The following OSBPL10 variants were observed in gnomAD, a reference collection of about 807,000 sequenced individuals.
The protein encoded by OSBPL10 is oxysterol-binding protein-related protein 10.
Under a neutral mutation model 81.7 loss-of-function variants are expected in OSBPL10, and 49 were observed. The ratio of observed to expected loss-of-function variants is 0.60; its 90% CI spans 0.48 to 0.76. OSBPL10 has a LOEUF of 0.76. OSBPL10 is among the 30% of genes least tolerant of loss of function. The pLI is 0.00. For synonymous variants in OSBPL10, 419 were observed against 383.6 expected, an observed-to-expected ratio of 1.09 and a Z score of -1.08; for missense variants, 923 against 987.8, an observed-to-expected ratio of 0.93 and a Z score of 0.88.
At chr3:31,874,342 C>T (rs1406540829) in intron 3 of OSBPL10, among the ~76,000 whole-genome samples, 1 of 151,946 alleles carries the variant, frequency 6.6e-6, no homozygotes, top group Admixed American at 6.6e-5. Flanking sequence ...AAATATGATA[C>T]AAAACCAAAA....
intron 1 of OSBPL10, among the ~76,000 whole-genome samples, chr3:32,067,429 G>A (rs1429507745): frequency 6.6e-6 from 1 of 152,134 alleles, no homozygotes; most frequent in African/African-American, 2.4e-5. Flanking sequence ...TCAGGGATCT[G>A]CATTGACAAA....
intron 7 of OSBPL10, among the ~76,000 whole-genome samples, chr3:31,689,232 G>A (rs1264382295): frequency 3.3e-5 from 5 of 152,094 alleles, no homozygotes; most frequent in African/African-American, 4.8e-5. Context: ...AAAAGGCGGG[G>A]AATTTTCTTG....
intron 1 of OSBPL10, among the ~76,000 whole-genome samples, chr3:31,890,931 G>GA: frequency 6.6e-6 from 1 of 152,180 alleles, no homozygotes; most frequent in South Asian, 2.1e-4. Flanking sequence ...AAGTCACGCT[G>GA]AAAAAATTCT....
intron 1 of OSBPL10, among the ~76,000 whole-genome samples, chr3:31,950,927 T>A (rs1016786152): frequency 1.3e-5 from 2 of 152,204 alleles, no homozygotes; most frequent in African/African-American, 4.8e-5. Context: ...GTGCCATGCC[T>A]GTACAGTCTT....
chr3:31,905,344 G>T (rs1441189776), intron 1 of OSBPL10, among the ~76,000 whole-genome samples: 6 of 70,716 alleles, frequency 8.5e-5, no homozygotes. Context: ...GGAACCTGGT[G>T]ATTTTTTTTT....
chr3:31,662,220 ACC>A (rs1700086770), intron 11 of OSBPL10, 104 bp from the exon 12 acceptor site: 12 of 1,577,516 alleles, frequency 7.6e-6, no homozygotes, highest in Non-Finnish European at 1.0e-5. Context: ...GTGTCTTAAT[ACC>A]TCACACGCAG....
upstream of OSBPL10, among the ~76,000 whole-genome samples, chr3:31,985,796 G>A (rs528574803): frequency 3.9e-5 from 6 of 152,296 alleles, no homozygotes; most frequent in African/African-American, 1.4e-4. Context: ...AATGTATATT[G>A]AGCACTATGT....
In OSBPL10 at chr3:31,768,179, G is replaced by T. The variant is rs1202918995; in HGVS notation, c.730-20059C>A. On this transcript the variant is annotated intron_variant, in intron 4 of 11. Transcript: ENST00000396556. The stretch of plus-strand genomic sequence containing the variant: ...TTGTAAACTGTCATGGCGCTGGTGG[G>T]AGTGTCTCTTAGCATGTTAATGCAT... Among the ~76,000 whole-genome samples, 4 of 152,162 alleles carry T rather than the reference G, an allele frequency of 2.6e-5. No homozygotes were observed. The East Asian group carries it at 7.7e-4, about 29-fold the overall frequency.
chr3:31,741,011 G>A (rs1030447309), intron 5 of OSBPL10, among the ~76,000 whole-genome samples: 3 of 152,026 alleles, frequency 2.0e-5, no homozygotes, highest in South Asian at 2.1e-4. Flanking sequence ...AAGGGCAAAG[G>A]TTTGACTGTG....
intron 5 of OSBPL10, 112 bp from the exon 6 acceptor site, chr3:31,733,523 A>T: frequency 7.6e-7 from 1 of 1,320,178 alleles, no homozygotes; most frequent in Non-Finnish European, 1.1e-6. Flanking sequence ...GGCATGAGGT[A>T]AAACACAGAG....
At chr3:31,725,893 C>T (rs1696793748) in intron 6 of OSBPL10, among the ~76,000 whole-genome samples, 1 of 152,186 alleles carries the variant, frequency 6.6e-6, no homozygotes. Flanking sequence ...TCGTACTTTC[C>T]TAAATACTCT....
chr3:31,848,951 T>G (rs1266885256), intron 3 of OSBPL10, among the ~76,000 whole-genome samples: 1 of 152,148 alleles, frequency 6.6e-6, no homozygotes, highest in Non-Finnish European at 1.5e-5. Flanking sequence ...AAGTTCAGAG[T>G]TGGGTGGTCT....
intron 3 of OSBPL10, among the ~76,000 whole-genome samples, chr3:31,870,027 A>C (rs1701279026): frequency 6.6e-6 from 1 of 152,208 alleles, no homozygotes; most frequent in Admixed American, 6.5e-5. Context: ...GTGGCACTTG[A>C]GGAGCCCTTC....
At chr3:31,721,733 G>C (rs1164727911) in intron 6 of OSBPL10, 2 of 152,168 alleles carry the variant, frequency 1.3e-5, no homozygotes, top group Non-Finnish European at 2.9e-5. Flanking sequence ...ACGTTCTTAA[G>C]TGTTTCCCAA....
chr3:31,678,243 T>C (rs1037345788), intron 8 of OSBPL10, among the ~76,000 whole-genome samples: 38 of 152,016 alleles, frequency 2.5e-4, no homozygotes, highest in African/African-American at 8.9e-4. Context: ...GTTGACGGTG[T>C]GGCTTAAGTG....
intron 3 of OSBPL10, among the ~76,000 whole-genome samples, chr3:31,841,098 G>A (rs561372077): frequency 2.6e-5 from 4 of 152,300 alleles, no homozygotes; most frequent in African/African-American, 9.6e-5. Flanking sequence ...AGTAGAGACG[G>A]GGTTTCTCCA....
chr3:31,900,550 A>G (rs1696206553), intron 1 of OSBPL10, among the ~76,000 whole-genome samples: 1 of 152,188 alleles, frequency 6.6e-6, no homozygotes, highest in South Asian at 2.1e-4. Context: ...GGCTTGTCCT[A>G]CAAGAGGAAA....
intron 1 of OSBPL10, among the ~76,000 whole-genome samples, chr3:31,915,196 A>G (rs4508822): frequency 0.6 from 90,642 of 150,328 alleles, 27,510 homozygotes; most frequent in East Asian, 0.91. Flanking sequence ...GAATGGTAAC[A>G]GGGGGGAAAA....
At chr3:31,672,630 T>C (rs1700354188) in intron 8 of OSBPL10, among the ~76,000 whole-genome samples, 1 of 152,180 alleles carries the variant, frequency 6.6e-6, no homozygotes, top group Non-Finnish European at 1.5e-5. Context: ...GCCCATGCAC[T>C]ATGGTATTTA....
Sources: allele counts gnomAD v4.1 joint callset (sites outside exome capture counted in the v4.1 genomes callset), GRCh38; gene constraint gnomAD v4.1.1; transcripts MANE v1.5; gene names NCBI Gene and HGNC (gene_info 2026-07-23, HGNC 2026-07-21).